Variants in PTP4A2 observed in about 807,000 individuals in gnomAD.
PTP4A2 encodes protein tyrosine phosphatase 4A2.
PTP4A2 carries 2 observed loss-of-function variants against 22.9 expected under a neutral mutation model. The ratio of observed to expected loss-of-function variants is 0.09; its 90% CI spans 0.04 to 0.27. PTP4A2 has a LOEUF of 0.27. Ranked by LOEUF, PTP4A2 falls within the 10% of genes least tolerant of loss-of-function variation. The probability of loss-of-function intolerance (pLI) is 1.00; values close to 1 mark genes in which losing one functional copy is unlikely to be tolerated. For missense variants in PTP4A2, 103 were observed against 205.1 expected (o/e 0.50, Z 3.04); for synonymous variants, 68 against 69.1 (o/e 0.98, Z 0.08).
rs371678109 is a variant in PTP4A2, at chr1:31,930,129, C to G, written c.-594+7858G>C. Among the ~76,000 whole-genome samples, 507 of 152,162 alleles carry G rather than the reference C, an allele frequency of 3.3e-3. 4 individuals carry two copies. Among genetic ancestry groups the G allele is most frequent in the East Asian group, 0.01 (54 of 5,174 alleles). The stretch of plus-strand genomic sequence containing the variant: ...CAAGGCGGGCGGATCACGAGGTCAG[C>G]AGATCGAGACCATCCTGGCTAACAC... On this transcript the variant is annotated intron_variant, in intron 1 of 5. Transcript: ENST00000647444.
chr1:31,929,014 T>A (rs1167717750), intron 1 of PTP4A2, among the ~76,000 whole-genome samples: 1 of 152,194 alleles, frequency 6.6e-6, no homozygotes, highest in Non-Finnish European at 1.5e-5. Flanking sequence ...GGGAGTGGTT[T>A]TAGATGTGCA....
At chr1:31,930,870 A>C (rs887402189) in intron 1 of PTP4A2, 1 of 152,218 alleles carries the variant, frequency 6.6e-6, no homozygotes, top group Non-Finnish European at 1.5e-5. Context: ...CTACATATTA[A>C]CGTGAAATAA....
rs771369496 is a variant in PTP4A2, at chr1:31,919,007, T to C, written c.59A>G (p.His20Arg). The C allele has an allele frequency of 1.1e-5, 17 of 1,608,080 alleles. No individual in the cohort carries two copies. The highest frequency in any genetic ancestry group is 1.4e-5 in the Non-Finnish European group (17 of 1,174,904). Residue 20 changes from histidine (H) to arginine (R), a missense_variant, in exon 2 of 6, where the codon CAC (histidine) becomes CGC (arginine). Coordinates refer to ENST00000647444, the MANE Select transcript of PTP4A2 (RefSeq NM_080391.4). ...GTTGAGAGTAGCATTGGTAGGGTTG[T>C]GAGTTATCAGAAAACGCATGTTCTC... is the stretch of plus-strand genomic sequence containing the variant. ...SYENMRFLIT[H>R]NPTNATLNKF...
intron 1 of PTP4A2, among the ~76,000 whole-genome samples, chr1:31,933,398 GA>G (rs958951350): frequency 6.8e-4 from 102 of 149,192 alleles, no homozygotes; most frequent in Admixed American, 2.8e-3. Context: ...CCCCTAAAAG[GA>G]AAAAAAAAAT....
intron 1 of PTP4A2, chr1:31,934,053 T>A (rs1159567111): frequency 6.6e-6 from 1 of 150,704 alleles, no homozygotes; most frequent in African/African-American, 2.4e-5. Flanking sequence ...AAGTCAGGAG[T>A]TCAAGACCAG....
chr1:31,924,044 C>T (rs1449584990), intron 1 of PTP4A2: 1 of 152,144 alleles, frequency 6.6e-6, no homozygotes, highest in Non-Finnish European at 1.5e-5. Context: ...GGTTCAATGA[C>T]GTTATCACTG....
intron 1 of PTP4A2, among the ~76,000 whole-genome samples, chr1:31,923,536 G>A (rs1033777817): frequency 2.0e-5 from 3 of 149,534 alleles, no homozygotes; most frequent in South Asian, 4.2e-4. Flanking sequence ...GGGTTTCACC[G>A]TGTTAGCCAG....
chr1:31,913,887 T>C (rs1250370188), intron 3 of PTP4A2: 8 of 455,474 alleles, frequency 1.8e-5, no homozygotes, highest in Non-Finnish European at 3.5e-5. Flanking sequence ...AACATATTCA[T>C]AATGCAGCAA....
At position 31,921,144 on chromosome 1, in the gene PTP4A2, T is replaced by C. The variant is rs532222097; in HGVS notation, c.-593-1486A>G. Among the ~76,000 whole-genome samples, 3 of 152,276 alleles carry C rather than the reference T, an allele frequency of 2.0e-5. No individual in the cohort carries two copies. In the South Asian group the frequency reaches 6.2e-4, roughly 32 times the overall value. ...GGACATAACCAACTTGTTACGTAAA[T>C]AAAGAATTGATTTTTTAAAAATCAT... On this transcript the variant is annotated intron_variant, in intron 1 of 5. Transcript: ENST00000647444.
At chr1:31,930,476 G>A (rs1652679228) in intron 1 of PTP4A2, among the ~76,000 whole-genome samples, 1 of 152,078 alleles carries the variant, frequency 6.6e-6, no homozygotes, top group African/African-American at 2.4e-5. Flanking sequence ...AAGAGAGTGA[G>A]GGAAACTCTC....
chr1:31,929,475 C>G (rs1280857536), intron 1 of PTP4A2, among the ~76,000 whole-genome samples: 1 of 152,044 alleles, frequency 6.6e-6, no homozygotes, highest in East Asian at 1.9e-4. Flanking sequence ...TGTTTAAAGA[C>G]TTCAGTTTAT....
At chr1:31,920,097 G>A (rs899875903) in intron 1 of PTP4A2, among the ~76,000 whole-genome samples, 3 of 129,662 alleles carry the variant, frequency 2.3e-5, no homozygotes, top group African/African-American at 9.0e-5. Flanking sequence ...TTGCACTCCA[G>A]CCTGGGCAAC....
intron 1 of PTP4A2, among the ~76,000 whole-genome samples, chr1:31,928,222 TAATAA>T (rs1227569394): frequency 9.7e-6 from 1 of 102,716 alleles, no homozygotes; most frequent in East Asian, 5.0e-4. Context: ...TATATAAATA[TAATAA>T]TATAATATAT....
chr1:31,922,501 A>G (rs1414692515), intron 1 of PTP4A2, among the ~76,000 whole-genome samples: 1 of 152,086 alleles, frequency 6.6e-6, no homozygotes, highest in Admixed American at 6.5e-5. Context: ...ATTTAAAACA[A>G]AGTTTGGGGC....
At chr1:31,922,042 TC>T (rs1423851910) in intron 1 of PTP4A2, among the ~76,000 whole-genome samples, 2 of 152,106 alleles carry the variant, frequency 1.3e-5, no homozygotes, top group African/African-American at 4.8e-5. Context: ...AAAAATACAT[TC>T]CATCGCTCTT....
At chr1:31,936,211 G>A (rs1170913125) in intron 1 of PTP4A2, among the ~76,000 whole-genome samples, 1 of 152,112 alleles carries the variant, frequency 6.6e-6, no homozygotes, top group Non-Finnish European at 1.5e-5. Context: ...GGCCAAGGCA[G>A]GTGGATCACT....
At chr1:31,925,685 G>A (rs369334704) in intron 1 of PTP4A2, among the ~76,000 whole-genome samples, 11 of 151,798 alleles carry the variant, frequency 7.2e-5, no homozygotes, top group African/African-American at 2.7e-4. Context: ...GCGTGAACCC[G>A]GGAGGCAGAG....
At chr1:31,933,768 A>G (rs1033191536) in intron 1 of PTP4A2, 5 of 152,108 alleles carry the variant, frequency 3.3e-5, no homozygotes, top group Non-Finnish European at 7.4e-5. Context: ...CAATCTATAA[A>G]TAAATTTCCT....
Position 31,911,780 on chromosome 1 carries a change from T to C in PTP4A2, c.236A>G (p.Asp79Gly). ...DGAPPPNQIV[D>G]DWLNLLKTKF... The stretch of plus-strand genomic sequence containing the variant: ...GGTTTTTAACAGGTTTAACCAATCA[T>C]CTACTATCTGATTAGGGGGTGGAGC... The change falls in exon 4 of 6, where the codon GAT (aspartate) becomes GGT (glycine). Residue 79 changes from aspartate (D) to glycine (G), a missense_variant. Transcript: ENST00000647444. 6.2e-7 allele frequency: 1 copy of C among 1,604,134 alleles called. No homozygotes were observed.
Sources: gnomAD v4.1 joint callset for allele counts (sites outside exome capture counted in the v4.1 genomes callset) on GRCh38, gnomAD v4.1.1 for gene constraint, MANE v1.5 for transcripts, NCBI Gene and HGNC (gene_info 2026-07-23, HGNC 2026-07-21) for gene names.